MMRN1: variants seen among roughly 807,000 people sequenced by gnomAD.
MMRN1 encodes the protein multimerin 1.
Under a neutral mutation model 100.7 loss-of-function variants are expected in MMRN1, and 94 were observed. The observed-to-expected ratio is 0.93, with a 90% CI of 0.79 to 1.11. The LOEUF (loss-of-function observed/expected upper bound fraction) is 1.11, where lower values mean the gene tolerates loss of function less well. Among genes scored for constraint, MMRN1 ranks in the 50% least tolerant of loss-of-function variants. The pLI, the probability that MMRN1 is intolerant of heterozygous loss-of-function variation, is 0.00. For missense variants in MMRN1, 1,606 were observed against 1,439.1 expected (o/e 1.12, Z -1.88); for synonymous variants, 575 against 505.0 (o/e 1.14, Z -1.86).
intron 3 of MMRN1, 97 bp from the exon 4 acceptor site, chr4:89,923,071 G>A: frequency 1.0e-6 from 1 of 978,088 alleles, no homozygotes; most frequent in Admixed American, 1.9e-5. Context: ...TTCAGTACGC[G>A]GGAAAATGAA....
chr4:89,909,488 A>G, intron 2 of MMRN1, 93 bp downstream of exon 2: 8 of 1,464,718 alleles, frequency 5.5e-6, no homozygotes, highest in Middle Eastern at 1.8e-4. Flanking sequence ...GGTACATAAT[A>G]CATAGTAGGG....
chr4:89,884,798 C>A (rs1234432171), intron 1 of MMRN1, among the ~76,000 whole-genome samples: 1 of 152,078 alleles, frequency 6.6e-6, no homozygotes, highest in Non-Finnish European at 1.5e-5. Context: ...TTTTTATGTA[C>A]ACAGACAAGT....
intron 1 of MMRN1, among the ~76,000 whole-genome samples, chr4:89,886,895 A>G (rs184393730): frequency 3.3e-5 from 5 of 152,210 alleles, no homozygotes; most frequent in Admixed American, 6.6e-5. Flanking sequence ...TTTGAAATAT[A>G]CAATGAACTA....
At chr4:89,880,076 T>C (rs1167605446) in intron 1 of MMRN1, among the ~76,000 whole-genome samples, 1 of 152,188 alleles carries the variant, frequency 6.6e-6, no homozygotes, top group Non-Finnish European at 1.5e-5. Flanking sequence ...GCTTTTCTTT[T>C]GAAGTCAAAC....
chr4:89,953,247 T>C lies in MMRN1; in HGVS notation c.3516T>C (p.Phe1172=). 6.2e-7 allele frequency: 1 copy of C among 1,613,896 alleles called. No individual in the cohort carries two copies. The highest frequency in any genetic ancestry group is 1.1e-5 in the South Asian group (1 of 91,070). The change falls in exon 8 of 8, where the codon TTT becomes TTC. Residue 1172 remains phenylalanine (F), a synonymous_variant. Transcript: ENST00000264790. ...TTGATGGAATAGACAAGCTTGCATTTGAGTCTGAAAATATTAACAGTGAAA... is the reference window on the plus strand; with the variant it reads ...TTGATGGAATAGACAAGCTTGCATTCGAGTCTGAAAATATTAACAGTGAAA... ...LVVDGIDKLA[F]ESENINSEIH...
chr4:89,892,527 G>A (rs889678127), upstream of MMRN1, among the ~76,000 whole-genome samples: 2 of 151,670 alleles, frequency 1.3e-5, no homozygotes, highest in African/African-American at 4.8e-5. Flanking sequence ...GACAATTTCT[G>A]GAGTATTTTA....
At chr4:89,925,031 C>A (rs1722204810) in intron 4 of MMRN1, among the ~76,000 whole-genome samples, 2 of 152,006 alleles carry the variant, frequency 1.3e-5, no homozygotes, top group Admixed American at 1.3e-4. Flanking sequence ...ATTATATTCT[C>A]TTAGTTATTT....
At position 89,928,007 on chromosome 4, in the gene MMRN1, C is replaced by T. The variant is rs777841790; in HGVS notation, c.1129+39C>T. On this transcript the variant is annotated intron_variant, in intron 5 of 7. Transcript: ENST00000264790. ...AAAATAAAATATTCATTCAGTAACA[C>T]AGAAAGCAAATGATTCATTTTTCTT... 3.5e-6 allele frequency: 5 copies of T among 1,433,508 alleles called. No individual in the cohort carries two copies. In the South Asian group the frequency reaches 4.1e-5, roughly 12 times the overall value. The allele number at this position is 1,433,508 out of a possible 1,614,324, so 88.8% of individuals were successfully genotyped here. A position where few individuals can be genotyped will look rare whatever the true frequency, so the allele number is the denominator to read the frequency against.
intron 4 of MMRN1, among the ~76,000 whole-genome samples, chr4:89,925,283 G>A (rs1479466946): frequency 3.4e-5 from 5 of 146,304 alleles, no homozygotes; most frequent in Non-Finnish European, 6.0e-5. Context: ...ATACAGGCAC[G>A]TCCCACCATG....
intron 6 of MMRN1, among the ~76,000 whole-genome samples, chr4:89,946,368 C>G (rs532647238): frequency 5.3e-5 from 8 of 152,150 alleles, no homozygotes; most frequent in African/African-American, 1.7e-4. Flanking sequence ...GTTATCTGCC[C>G]TCTACAATGT....
chr4:89,919,550 G>A lies in MMRN1; in HGVS notation c.851-3618G>A, dbSNP rs559038696. On this transcript the variant is annotated intron_variant, in intron 3 of 7. Transcript: ENST00000264790. ...TCAAGTTGATTTTCATTCCAGAAAT[G>A]TAACTTATTTATTTTATATTGAATT... is the stretch of plus-strand genomic sequence containing the variant. 1.4e-3 allele frequency among the ~76,000 whole-genome samples: 212 copies of A among 151,566 alleles called. 2 individuals are homozygous for A. The highest frequency in any genetic ancestry group is 4.3e-3 in the African/African-American group (177 of 41,450).
chr4:89,915,466 C>T (rs1474191508), intron 3 of MMRN1, among the ~76,000 whole-genome samples: 1 of 151,574 alleles, frequency 6.6e-6, no homozygotes, highest in Non-Finnish European at 1.5e-5. Flanking sequence ...TCAAGCCACA[C>T]AGGAAGGTTT....
intron 3 of MMRN1, among the ~76,000 whole-genome samples, chr4:89,918,054 A>G (rs1487645875): frequency 6.6e-6 from 1 of 151,660 alleles, no homozygotes; most frequent in African/African-American, 2.4e-5. Context: ...GTTTTGTCAT[A>G]TAAATTTTAT....
intron 1 of MMRN1, among the ~76,000 whole-genome samples, chr4:89,880,897 C>T (rs1365728160): frequency 6.6e-6 from 1 of 152,078 alleles, no homozygotes; most frequent in Non-Finnish European, 1.5e-5. Context: ...TCTTTCTACA[C>T]TGCACTGCAT....
intron 7 of MMRN1, among the ~76,000 whole-genome samples, chr4:89,952,485 G>A (rs1723210596): frequency 6.6e-6 from 1 of 152,068 alleles, no homozygotes; most frequent in Non-Finnish European, 1.5e-5. Flanking sequence ...AGTACAATTG[G>A]CATTAATTAC....
chr4:89,947,470 A>G (rs975626004), intron 6 of MMRN1, among the ~76,000 whole-genome samples: 3 of 152,154 alleles, frequency 2.0e-5, no homozygotes, highest in African/African-American at 4.8e-5. Context: ...AGTATTTTCT[A>G]TATGTCAGGC....
intron 1 of MMRN1, among the ~76,000 whole-genome samples, chr4:89,898,451 GCAGGTA>G (rs1721279105): frequency 6.6e-6 from 1 of 151,866 alleles, no homozygotes; most frequent in Non-Finnish European, 1.5e-5. Flanking sequence ...CACTCCCTTG[GCAGGTA>G]CAGTCTCTTA....
intron 2 of MMRN1, 42 bp from the exon 3 acceptor site, chr4:89,911,902 G>A: frequency 7.5e-7 from 1 of 1,338,134 alleles, no homozygotes; most frequent in Non-Finnish European, 1.1e-6. Flanking sequence ...AATTTAATGT[G>A]AAACAAATAA....
intron 6 of MMRN1, among the ~76,000 whole-genome samples, chr4:89,939,091 G>C (rs1722744161): frequency 1.3e-5 from 2 of 152,054 alleles, no homozygotes; most frequent in Non-Finnish European, 2.9e-5. Flanking sequence ...AGTGGACTCA[G>C]GCTAAGTTCT....
Sources: allele counts gnomAD v4.1 joint callset (sites outside exome capture counted in the v4.1 genomes callset), GRCh38; gene constraint gnomAD v4.1.1; transcripts MANE v1.5; gene names NCBI Gene and HGNC (gene_info 2026-07-23, HGNC 2026-07-21).